TMTC2: variants seen among roughly 807,000 people sequenced by gnomAD.
TMTC2 encodes the protein transmembrane O-mannosyltransferase targeting cadherins 2.
TMTC2 carries 43 observed loss-of-function variants against 82.4 expected under a neutral mutation model. The observed-to-expected ratio is 0.52, with a 90% CI of 0.41 to 0.67. TMTC2 has a LOEUF of 0.67. Among genes scored for constraint, TMTC2 ranks in the 30% least tolerant of loss-of-function variants. The pLI, the probability that TMTC2 is intolerant of heterozygous loss-of-function variation, is 0.00. For missense variants in TMTC2, 919 were observed against 1,012.4 expected, an observed-to-expected ratio of 0.91 and a Z score of 1.25; for synonymous variants, 408 against 381.9, an observed-to-expected ratio of 1.07 and a Z score of -0.80.
intron 1 of TMTC2, among the ~76,000 whole-genome samples, chr12:82,806,110 A>C (rs1353822935): frequency 6.6e-6 from 1 of 152,150 alleles, no homozygotes; most frequent in Non-Finnish European, 1.5e-5. Context: ...GGAGGGAAGC[A>C]CTGGGAGGAA....
intron 2 of TMTC2, among the ~76,000 whole-genome samples, chr12:82,883,923 T>C: frequency 6.6e-6 from 1 of 152,206 alleles, no homozygotes. Flanking sequence ...CAAAGGATAT[T>C]TTCTTCACAT....
intron 1 of TMTC2, among the ~76,000 whole-genome samples, chr12:82,720,995 A>G (rs141633486): frequency 1.1e-3 from 164 of 152,358 alleles, no homozygotes; most frequent in Non-Finnish European, 1.4e-3. Flanking sequence ...AGCTGTAAGT[A>G]GATCAAGAAA....
At chr12:83,066,043 G>A (rs532053663) in intron 11 of TMTC2, among the ~76,000 whole-genome samples, 1 of 151,926 alleles carries the variant, frequency 6.6e-6, no homozygotes, top group Admixed American at 6.6e-5. Context: ...GCCAAATGTA[G>A]TAGGATTTGA....
rs1885349910 is a variant in TMTC2, at chr12:83,133,942, C to T, written c.*1553C>T. 1 of 152,352 alleles carries T rather than the reference C, an allele frequency of 6.6e-6. No homozygotes were observed. Among genetic ancestry groups the T allele is most frequent in the African/African-American group, 2.4e-5 (1 of 41,420 alleles). 9.4% of individuals were successfully genotyped at this position (152,352 alleles called of 1,614,324 possible). A position where few individuals can be genotyped will look rare whatever the true frequency, so the allele number is the denominator to read the frequency against. On this transcript the variant is annotated 3_prime_UTR_variant, in exon 12 of 12. Transcript: ENST00000321196. ...CTCCATGTATATATGATCAGCCTCT[C>T]CATTAAAAAGAAGCTGGACATGCAA...
At chr12:83,047,889 A>G (rs551980744) in intron 9 of TMTC2, among the ~76,000 whole-genome samples, 1 of 152,364 alleles carries the variant, frequency 6.6e-6, no homozygotes, top group South Asian at 2.1e-4. Context: ...AACAGCAAAG[A>G]TGCATTTGGC....
At chr12:82,711,801 G>A (rs1873632923) in intron 1 of TMTC2, among the ~76,000 whole-genome samples, 1 of 152,204 alleles carries the variant, frequency 6.6e-6, no homozygotes, top group Non-Finnish European at 1.5e-5. Context: ...GAATCACTAT[G>A]AGTGGTAGCA....
intron 3 of TMTC2, among the ~76,000 whole-genome samples, chr12:82,902,288 G>C (rs1209213110): frequency 1.3e-5 from 2 of 152,152 alleles, no homozygotes; most frequent in Non-Finnish European, 2.9e-5. Context: ...AGGAGTTTCT[G>C]ATTCTAAAAC....
intron 8 of TMTC2, among the ~76,000 whole-genome samples, chr12:83,029,399 A>G (rs942270417): frequency 2.6e-5 from 4 of 152,288 alleles, no homozygotes; most frequent in East Asian, 1.9e-4. Context: ...TCTTCTTCCA[A>G]TGTGGCCCAG....
chr12:82,937,923 T>TTA (rs1565818632), intron 4 of TMTC2, among the ~76,000 whole-genome samples: 1 of 56,340 alleles, frequency 1.8e-5, no homozygotes, highest in African/African-American at 6.3e-5. Context: ...TTTTTTTTTA[T>TTA]TTTTTTTTTT....
At chr12:82,694,586 A>G (rs11609532) in intron 1 of TMTC2, among the ~76,000 whole-genome samples, 16,804 of 152,236 alleles carry the variant, frequency 0.11, 1,059 homozygotes, top group East Asian at 0.24. Context: ...AGTGTGGCAC[A>G]GCATGTAGTT....
intron 1 of TMTC2, among the ~76,000 whole-genome samples, chr12:82,765,165 G>A (rs1003513285): frequency 4.6e-5 from 7 of 152,084 alleles, no homozygotes; most frequent in South Asian, 2.1e-4. Context: ...AGGTTTGCGC[G>A]ACCCAGTTCT....
chr12:82,725,653 G>C (rs970378001), intron 1 of TMTC2, among the ~76,000 whole-genome samples: 5 of 152,132 alleles, frequency 3.3e-5, no homozygotes, highest in South Asian at 2.1e-4. Flanking sequence ...GGTGCAGCTT[G>C]GTTTTATACA....
Position 82,889,389 on chromosome 12 carries a change from A to G in TMTC2, c.655-6429A>G, listed in dbSNP as rs991377239. Among the ~76,000 whole-genome samples, 15 of 152,176 alleles carry G rather than the reference A, an allele frequency of 9.9e-5. No homozygotes were observed. In the South Asian group the frequency reaches 2.9e-3, roughly 29 times the overall value. ...AAATCTAGTCAGTGTAAGTCTAGGT[A>G]TGTCAAGTTGTCAAACCTTTTAGTT... On this transcript the variant is annotated intron_variant, in intron 2 of 11. Transcript: ENST00000321196.
At chr12:83,077,376 T>G (rs1883314473) in intron 11 of TMTC2, among the ~76,000 whole-genome samples, 1 of 152,266 alleles carries the variant, frequency 6.6e-6, no homozygotes, top group African/African-American at 2.4e-5. Context: ...TGTCTTACAC[T>G]TAGCTCATAT....
At chr12:82,804,966 A>G (rs1407751083) in intron 1 of TMTC2, among the ~76,000 whole-genome samples, 2 of 152,144 alleles carry the variant, frequency 1.3e-5, no homozygotes, top group Non-Finnish European at 2.9e-5. Flanking sequence ...TTTAGTTTTT[A>G]TAGAAAGGGT....
At chr12:82,744,014 C>A (rs1048749519) in intron 1 of TMTC2, among the ~76,000 whole-genome samples, 2 of 152,122 alleles carry the variant, frequency 1.3e-5, no homozygotes, top group African/African-American at 4.8e-5. Flanking sequence ...TTGCTCGCAC[C>A]TTTAATCCCT....
chr12:82,719,510 A>G (rs1307226824), intron 1 of TMTC2, among the ~76,000 whole-genome samples: 1 of 152,198 alleles, frequency 6.6e-6, no homozygotes, highest in Non-Finnish European at 1.5e-5. Context: ...TGCAGATGGT[A>G]GACTCTTGGG....
At chr12:82,863,159 C>G (rs950934386) in intron 2 of TMTC2, among the ~76,000 whole-genome samples, 3 of 148,562 alleles carry the variant, frequency 2.0e-5, no homozygotes, top group Non-Finnish European at 4.5e-5. Context: ...TAAGTTGTGA[C>G]CCCCCCCCAA....
chr12:83,030,699 T>C (rs1212319944), intron 8 of TMTC2, 99 bp from the exon 9 acceptor site: 1 of 929,322 alleles, frequency 1.1e-6, no homozygotes, highest in African/African-American at 1.7e-5. Context: ...TTTCCTATGA[T>C]GATTACCAAG....
Sources: allele counts gnomAD v4.1 joint callset (sites outside exome capture counted in the v4.1 genomes callset), GRCh38; gene constraint gnomAD v4.1.1; transcripts MANE v1.5; gene names NCBI Gene and HGNC (gene_info 2026-07-23, HGNC 2026-07-21).